The following OTUD7A variants were observed in gnomAD, a reference collection of about 807,000 sequenced individuals.
The protein encoded by OTUD7A is OTU deubiquitinase 7A, also known as OTU domain-containing protein 7A.
In OTUD7A, 12 loss-of-function variants were observed where a neutral mutation model predicts 65.7. The ratio of observed to expected loss-of-function variants is 0.18; its 90% CI spans 0.12 to 0.30. OTUD7A has a LOEUF of 0.30. OTUD7A is among the 10% of genes least tolerant of loss of function. OTUD7A has a pLI of 1.00. For synonymous variants in OTUD7A, 641 were observed against 586.3 expected (o/e 1.09, Z -1.35); for missense variants, 1,148 against 1,304.8 (o/e 0.88, Z 1.85).
chr15:31,838,615 C>T (rs1486484924), intron 1 of OTUD7A, among the ~76,000 whole-genome samples: 1 of 152,016 alleles, frequency 6.6e-6, no homozygotes, highest in African/African-American at 2.4e-5. Context: ...CCACTGCTCA[C>T]TGATTTTGAA....
At chr15:31,641,124 C>G (rs7177069) in intron 3 of OTUD7A, among the ~76,000 whole-genome samples, 43,543 of 151,836 alleles carry the variant, frequency 0.29, 7,373 homozygotes, top group African/African-American at 0.47. Flanking sequence ...TTTCCCCCAT[C>G]CTGTTCTTGT....
intron 3 of OTUD7A, among the ~76,000 whole-genome samples, chr15:31,610,612 TATATA>T (rs1312982239): frequency 1.2e-4 from 6 of 48,740 alleles, no homozygotes; most frequent in South Asian, 7.9e-4. Context: ...TATATATATA[TATATA>T]TTTTTTTTTT....
At chr15:31,525,255 C>T (rs1031672015) in intron 8 of OTUD7A, among the ~76,000 whole-genome samples, 1 of 152,248 alleles carries the variant, frequency 6.6e-6, no homozygotes. Flanking sequence ...CAGTTTTCCA[C>T]AGTCGACTGA....
chr15:31,524,527 G>A lies in OTUD7A; in HGVS notation c.893+1822C>T, dbSNP rs189913718. 4.6e-4 allele frequency among the ~76,000 whole-genome samples: 61 copies of A among 132,288 alleles called. 1 individual carries two copies. The highest frequency in any genetic ancestry group is 1.5e-3 in the African/African-American group (53 of 36,172). The allele number at this position is 132,288 out of a possible 152,430, so 86.8% of individuals were successfully genotyped here. On this transcript the variant is annotated intron_variant, in intron 8 of 12. Coordinates refer to ENST00000307050, the MANE Select transcript of OTUD7A (RefSeq NM_001382637.1). ...CACAGGGCCCTCTTATGGTCTCCCC[G>A]ACCCCACCCCACCCCACCTGTGCTC...
At chr15:31,697,310 T>C (rs577738910) in intron 1 of OTUD7A, among the ~76,000 whole-genome samples, 52 of 137,992 alleles carry the variant, frequency 3.8e-4, no homozygotes, top group Non-Finnish European at 6.0e-4. Flanking sequence ...TGGCTGCCCT[T>C]TATGAATGAT....
chr15:31,501,003 G>C (rs1366500945), intron 10 of OTUD7A, among the ~76,000 whole-genome samples: 1 of 152,252 alleles, frequency 6.6e-6, no homozygotes, highest in East Asian at 1.9e-4. Context: ...TAAAGACATT[G>C]ACTGGTGCCC....
At chr15:31,866,697 C>G (rs1276786494) in intron 1 of OTUD7A, among the ~76,000 whole-genome samples, 3 of 152,148 alleles carry the variant, frequency 2.0e-5, no homozygotes, top group Non-Finnish European at 2.9e-5. Context: ...TATCTTATTC[C>G]CATTTTGTCC....
At chr15:31,589,164 C>T (rs1366524474) in intron 3 of OTUD7A, among the ~76,000 whole-genome samples, 5 of 151,938 alleles carry the variant, frequency 3.3e-5, no homozygotes, top group African/African-American at 4.8e-5. Context: ...TATACATACA[C>T]GCATATTACA....
chr15:31,766,426 T>C lies in OTUD7A; in HGVS notation c.-100+104081A>G. The stretch of plus-strand genomic sequence containing the variant: ...AAATGAGGTTGCAGCAAACTTTGTG[T>C]GCCAGTCAACACAGAAGAAGCTGGA... On this transcript the variant is annotated intron_variant, in intron 1 of 12. Transcript: ENST00000307050. 1.9e-6 allele frequency: 3 copies of C among 1,581,142 alleles called. No homozygotes were observed. In the South Asian group the frequency reaches 3.3e-5, roughly 18 times the overall value.
intron 3 of OTUD7A, among the ~76,000 whole-genome samples, chr15:31,612,918 A>C (rs1360304652): frequency 6.6e-6 from 1 of 152,220 alleles, no homozygotes; most frequent in African/African-American, 2.4e-5. Context: ...TAGTCACCAA[A>C]ACAGCATGGT....
At chr15:31,594,055 C>T (rs1013350598) in intron 3 of OTUD7A, among the ~76,000 whole-genome samples, 2 of 152,124 alleles carry the variant, frequency 1.3e-5, no homozygotes, top group Non-Finnish European at 2.9e-5. Flanking sequence ...TGGCCTTTAA[C>T]CTTAAAATGG....
chr15:31,866,060 C>T (rs943476275), intron 1 of OTUD7A, among the ~76,000 whole-genome samples: 1 of 152,204 alleles, frequency 6.6e-6, no homozygotes, highest in African/African-American at 2.4e-5. Flanking sequence ...TTACTTTAGA[C>T]TTATCTACTT....
intron 3 of OTUD7A, among the ~76,000 whole-genome samples, chr15:31,600,524 C>T (rs1256651135): frequency 1.3e-5 from 2 of 152,282 alleles, no homozygotes; most frequent in African/African-American, 4.8e-5. Context: ...TTGTAAAGAC[C>T]ATCAACACTA....
chr15:31,533,518 T>G (rs1241590282), intron 5 of OTUD7A, among the ~76,000 whole-genome samples: 2 of 152,180 alleles, frequency 1.3e-5, no homozygotes, highest in African/African-American at 4.8e-5. Context: ...ATTACAGGCA[T>G]GAGCCACCAC....
intron 5 of OTUD7A, among the ~76,000 whole-genome samples, chr15:31,534,211 A>G (rs557390353): frequency 2.2e-4 from 34 of 152,214 alleles, no homozygotes; most frequent in Non-Finnish European, 4.0e-4. Context: ...AACATATACA[A>G]AGAACTATAT....
At chr15:31,753,226 CT>C (rs561126606) in intron 1 of OTUD7A, among the ~76,000 whole-genome samples, 88 of 146,038 alleles carry the variant, frequency 6.0e-4, no homozygotes, top group East Asian at 1.4e-3. Flanking sequence ...AGGCAAATGA[CT>C]TTTTTTTTTT....
intron 1 of OTUD7A, among the ~76,000 whole-genome samples, chr15:31,700,347 T>C (rs1893185916): frequency 6.6e-6 from 1 of 152,080 alleles, no homozygotes; most frequent in African/African-American, 2.4e-5. Flanking sequence ...TTTCCACCCT[T>C]TGCCCTGCTC....
At chr15:31,672,216 G>C (rs1415156972) in intron 1 of OTUD7A, among the ~76,000 whole-genome samples, 11 of 152,178 alleles carry the variant, frequency 7.2e-5, no homozygotes, top group Admixed American at 1.3e-4. Flanking sequence ...AAGGTTGGTA[G>C]ATTTGACCCA....
intron 1 of OTUD7A, among the ~76,000 whole-genome samples, chr15:31,685,431 G>A (rs554046939): frequency 5.3e-5 from 8 of 151,954 alleles, no homozygotes; most frequent in East Asian, 1.9e-4. Context: ...GGATCATGAC[G>A]TCAGGAGATC....
Sources: allele counts gnomAD v4.1 joint callset (sites outside exome capture counted in the v4.1 genomes callset), GRCh38; gene constraint gnomAD v4.1.1; transcripts MANE v1.5; gene names NCBI Gene and HGNC (gene_info 2026-07-23, HGNC 2026-07-21).